Variants in MACROD2 observed in about 807,000 individuals in gnomAD.
MACROD2 encodes the protein mono-ADP ribosylhydrolase 2, also known as ADP-ribose glycohydrolase MACROD2.
Under a neutral mutation model 70.4 loss-of-function variants are expected in MACROD2, and 36 were observed. The observed-to-expected ratio is 0.51, with a 90% CI of 0.39 to 0.68. The LOEUF (loss-of-function observed/expected upper bound fraction) is 0.68, where lower values mean the gene tolerates loss of function less well. Ranked by LOEUF, MACROD2 falls within the 30% of genes least tolerant of loss-of-function variation. MACROD2 has a pLI of 0.00. For synonymous variants in MACROD2, 172 were observed against 178.8 expected (o/e 0.96, Z 0.30); for missense variants, 496 against 538.4 (o/e 0.92, Z 0.78).
chr20:16,016,302 C>T (rs2066927643), intron 15 of MACROD2, among the ~76,000 whole-genome samples: 1 of 152,152 alleles, frequency 6.6e-6, no homozygotes, highest in Admixed American at 6.5e-5. Flanking sequence ...CAGTGTTGGA[C>T]TGTGGGCTTT....
intron 6 of MACROD2, among the ~76,000 whole-genome samples, chr20:15,389,986 A>T (rs2045770695): frequency 2.6e-5 from 4 of 152,218 alleles, no homozygotes; most frequent in Admixed American, 2.6e-4. Context: ...GGGAAATGGA[A>T]GAGAGACTGA....
intron 4 of MACROD2, among the ~76,000 whole-genome samples, chr20:14,497,721 T>C (rs6105279): frequency 0.13 from 19,744 of 151,762 alleles, 1,647 homozygotes; most frequent in South Asian, 0.24. Context: ...TTTGTACACA[T>C]AGCTTTATGA....
At chr20:15,890,507 G>A (rs560653258) in intron 10 of MACROD2, among the ~76,000 whole-genome samples, 2 of 152,268 alleles carry the variant, frequency 1.3e-5, no homozygotes, top group East Asian at 3.9e-4. Context: ...GCTGCTCCAA[G>A]CATCTCATTT....
chr20:15,469,518 G>A (rs1222825941), intron 7 of MACROD2, among the ~76,000 whole-genome samples: 4 of 152,202 alleles, frequency 2.6e-5, no homozygotes, highest in Non-Finnish European at 5.9e-5. Flanking sequence ...CAGGGCCCCA[G>A]TGTGTCCTTA....
intron 8 of MACROD2, among the ~76,000 whole-genome samples, chr20:15,626,681 C>A (rs1175557823): frequency 6.6e-6 from 1 of 152,000 alleles, no homozygotes; most frequent in Admixed American, 6.5e-5. Flanking sequence ...ATGGTGAAAC[C>A]CTGTTTCTAC....
At chr20:14,633,481 T>A (rs1984624389) in intron 4 of MACROD2, among the ~76,000 whole-genome samples, 1 of 152,216 alleles carries the variant, frequency 6.6e-6, no homozygotes, top group African/African-American at 2.4e-5. Context: ...AAAAAATCCC[T>A]ATTTCTCCAA....
chr20:15,552,146 C>A (rs1035180947), intron 8 of MACROD2: 4 of 152,064 alleles, frequency 2.6e-5, no homozygotes, highest in African/African-American at 9.7e-5. Context: ...TCTAGAAGTT[C>A]TTCTCTTTTT....
intron 6 of MACROD2, among the ~76,000 whole-genome samples, chr20:15,323,402 A>G (rs2223946): frequency 0.08 from 12,152 of 152,292 alleles, 608 homozygotes; most frequent in Non-Finnish European, 0.12. Context: ...ATGGTCAGAA[A>G]CTTTTCAGAT....
intron 3 of MACROD2, among the ~76,000 whole-genome samples, chr20:14,286,968 A>C (rs76275342): frequency 0.015 from 2,290 of 152,220 alleles, 24 homozygotes; most frequent in African/African-American, 0.027. Flanking sequence ...TCCATGACCT[A>C]AGTCTTCTAA....
At chr20:15,618,965 G>T (rs1024289997) in intron 8 of MACROD2, among the ~76,000 whole-genome samples, 1 of 152,194 alleles carries the variant, frequency 6.6e-6, no homozygotes, top group African/African-American at 2.4e-5. Flanking sequence ...GTGCTGATTG[G>T]TTGGCTGGAG....
chr20:14,148,199 T>C (rs979777436), intron 3 of MACROD2, among the ~76,000 whole-genome samples: 1 of 152,226 alleles, frequency 6.6e-6, no homozygotes. Flanking sequence ...TTATGGATTA[T>C]CTACCCTTTG....
intron 5 of MACROD2, among the ~76,000 whole-genome samples, chr20:15,041,838 A>C (rs1023663682): frequency 6.6e-6 from 1 of 152,176 alleles, no homozygotes; most frequent in Non-Finnish European, 1.5e-5. Flanking sequence ...GAGTTTTAAT[A>C]TCGAAATGCT....
rs956421932 is a variant in MACROD2, at chr20:15,668,514, G to A, written c.645+168667G>A. The stretch of plus-strand genomic sequence containing the variant: ...ACCTGGGAGGCGGAGCTTGCAGTGA[G>A]CCGAGGTCATGCCACTGCACTCCAG... On this transcript the variant is annotated intron_variant, in intron 8 of 17. Transcript: ENST00000684519. Among the ~76,000 whole-genome samples, 8 of 152,062 alleles carry A rather than the reference G, an allele frequency of 5.3e-5. No individual in the cohort carries two copies. In the East Asian group the frequency reaches 1.5e-3, roughly 29 times the overall value.
At chr20:14,358,532 C>T (rs921959323) in intron 3 of MACROD2, among the ~76,000 whole-genome samples, 3 of 152,054 alleles carry the variant, frequency 2.0e-5, no homozygotes, top group African/African-American at 4.8e-5. Context: ...TCTCGGCTCA[C>T]GGCAACCTCT....
At chr20:15,020,894 G>A (rs189153893) in intron 5 of MACROD2, among the ~76,000 whole-genome samples, 71 of 150,900 alleles carry the variant, frequency 4.7e-4, no homozygotes, top group African/African-American at 1.7e-3. Flanking sequence ...CTGACACTCT[G>A]GAAAAGGGAA....
chr20:15,216,220 A>G (rs529033405), intron 5 of MACROD2, among the ~76,000 whole-genome samples: 1 of 152,282 alleles, frequency 6.6e-6, no homozygotes, highest in Admixed American at 6.5e-5. Context: ...TATAACACAA[A>G]GGGTAAATGC....
chr20:14,140,423 C>T (rs149305514), intron 3 of MACROD2, among the ~76,000 whole-genome samples: 73 of 152,094 alleles, frequency 4.8e-4, no homozygotes, highest in Non-Finnish European at 8.7e-4. Context: ...AAGAAGGTTC[C>T]CAAACCAATA....
chr20:15,907,980 A>G (rs892012524), intron 10 of MACROD2, among the ~76,000 whole-genome samples: 1 of 152,196 alleles, frequency 6.6e-6, no homozygotes, highest in South Asian at 2.1e-4. Context: ...ACACTCCCTA[A>G]GGAGGCTTTT....
intron 13 of MACROD2, among the ~76,000 whole-genome samples, chr20:15,985,541 C>T (rs1246491449): frequency 6.6e-6 from 1 of 152,214 alleles, no homozygotes; most frequent in Non-Finnish European, 1.5e-5. Flanking sequence ...CCAGTTCCTT[C>T]CCAGTGTTCA....
Sources: allele counts gnomAD v4.1 joint callset (sites outside exome capture counted in the v4.1 genomes callset), GRCh38; gene constraint gnomAD v4.1.1; transcripts MANE v1.5; gene names NCBI Gene and HGNC (gene_info 2026-07-23, HGNC 2026-07-21).